The following VRK2 variants were observed in gnomAD, a reference collection of about 807,000 sequenced individuals.
VRK2 encodes the protein serine/threonine-protein kinase VRK2.
Under a neutral mutation model 57.6 loss-of-function variants are expected in VRK2, and 60 were observed. The ratio of observed to expected loss-of-function variants is 1.04; its 90% CI spans 0.85 to 1.29. The LOEUF (loss-of-function observed/expected upper bound fraction) is 1.29. Ranked by LOEUF, VRK2 falls within the 50% of genes most tolerant of loss-of-function variation. The probability of loss-of-function intolerance (pLI) is 0.00; values close to 1 mark genes in which losing one functional copy is unlikely to be tolerated. For missense variants in VRK2, 705 were observed against 588.1 expected (o/e 1.20, Z -2.06); for synonymous variants, 231 against 199.2 (o/e 1.16, Z -1.35).
At chr2:58,118,832 T>C (rs1676950896) in intron 7 of VRK2, among the ~76,000 whole-genome samples, 2 of 152,058 alleles carry the variant, frequency 1.3e-5, no homozygotes, top group African/African-American at 2.4e-5. Flanking sequence ...GGCCGTTTTA[T>C]AGGATTTGGG....
At chr2:58,059,354 A>T (rs1676998376) in intron 2 of VRK2, among the ~76,000 whole-genome samples, 1 of 151,964 alleles carries the variant, frequency 6.6e-6, no homozygotes, top group South Asian at 2.1e-4. Flanking sequence ...TGAGTCAAAT[A>T]AGCAACAGGA....
intron 2 of VRK2, among the ~76,000 whole-genome samples, chr2:58,061,231 A>G (rs1252213008): frequency 6.6e-6 from 1 of 151,874 alleles, no homozygotes; most frequent in Non-Finnish European, 1.5e-5. Flanking sequence ...GGGAAGCTCA[A>G]AATGTATTTA....
At chr2:57,987,175 A>G (rs1215685722) in intron 1 of VRK2, among the ~76,000 whole-genome samples, 1 of 152,172 alleles carries the variant, frequency 6.6e-6, no homozygotes, top group Non-Finnish European at 1.5e-5. Context: ...GAACTTTATC[A>G]AAATCAAAAA....
chr2:57,975,998 T>C (rs1178384849), intron 1 of VRK2, among the ~76,000 whole-genome samples: 3 of 152,186 alleles, frequency 2.0e-5, no homozygotes, highest in South Asian at 2.1e-4. Context: ...CTCCCACTTA[T>C]AAGTGAGAGC....
intron 1 of VRK2, among the ~76,000 whole-genome samples, chr2:57,918,809 G>A (rs1347342229): frequency 6.6e-6 from 1 of 152,072 alleles, no homozygotes; most frequent in African/African-American, 2.4e-5. Context: ...TCTGAAATCT[G>A]TGTGCTCAAT....
chr2:57,926,349 T>C (rs1331991083), intron 1 of VRK2, among the ~76,000 whole-genome samples: 1 of 151,728 alleles, frequency 6.6e-6, no homozygotes, highest in Non-Finnish European at 1.5e-5. Flanking sequence ...ACTACTGTAT[T>C]GGGGTCTCTC....
At chr2:58,128,467 G>A (rs1041324705) in intron 8 of VRK2, among the ~76,000 whole-genome samples, 7 of 152,064 alleles carry the variant, frequency 4.6e-5, no homozygotes, top group African/African-American at 1.7e-4. Context: ...GAGTAGCTGG[G>A]ATTACAGGTG....
upstream of VRK2, among the ~76,000 whole-genome samples, chr2:58,043,422 T>G (rs1450624008): frequency 1.3e-5 from 2 of 152,166 alleles, no homozygotes; most frequent in Non-Finnish European, 2.9e-5. Flanking sequence ...AGTAAAGAAA[T>G]TTAACATTTG....
At chr2:58,075,872 C>T (rs957212881) in intron 2 of VRK2, among the ~76,000 whole-genome samples, 3 of 129,462 alleles carry the variant, frequency 2.3e-5, no homozygotes, top group African/African-American at 8.2e-5. Flanking sequence ...TAAAACTCTG[C>T]CCCAATAAGA....
At chr2:57,989,001 A>G (rs1229832851) in intron 1 of VRK2, among the ~76,000 whole-genome samples, 1 of 152,074 alleles carries the variant, frequency 6.6e-6, no homozygotes, top group Non-Finnish European at 1.5e-5. Flanking sequence ...ATTTCTTCCT[A>G]TTGCTCCCAG....
chr2:58,022,178 G>C (rs1429458643), intron 1 of VRK2, among the ~76,000 whole-genome samples: 1 of 152,216 alleles, frequency 6.6e-6, no homozygotes, highest in Admixed American at 6.5e-5. Context: ...TCACAAAATA[G>C]TGTCAGTGCC....
intron 7 of VRK2, among the ~76,000 whole-genome samples, chr2:58,118,794 G>A (rs943888408): frequency 6.6e-6 from 1 of 152,134 alleles, no homozygotes; most frequent in Non-Finnish European, 1.5e-5. Flanking sequence ...AGTCCGAAAA[G>A]AGAGTCAGCG....
intron 1 of VRK2, among the ~76,000 whole-genome samples, chr2:57,917,361 TA>T (rs1339450523): frequency 1.3e-5 from 2 of 151,876 alleles, no homozygotes; most frequent in Admixed American, 6.6e-5. Flanking sequence ...GGTCAGGCTA[TA>T]AATTCAGATG....
At chr2:58,151,769 G>A (rs185324224) in intron 12 of VRK2, among the ~76,000 whole-genome samples, 100 of 16,948 alleles carry the variant, frequency 5.9e-3, no homozygotes, top group African/African-American at 0.019. Flanking sequence ...TTTTTTTTTG[G>A]TGGTCACTCT....
At chr2:57,965,638 A>G (rs1456451174) in intron 1 of VRK2, among the ~76,000 whole-genome samples, 1 of 152,188 alleles carries the variant, frequency 6.6e-6, no homozygotes, top group Non-Finnish European at 1.5e-5. Context: ...TAGAAAGGGT[A>G]TCTCTCATTA....
chr2:57,979,169 G>A (rs1228957790), intron 1 of VRK2, among the ~76,000 whole-genome samples: 1 of 150,984 alleles, frequency 6.6e-6, no homozygotes, highest in East Asian at 1.9e-4. Flanking sequence ...ATATTCCTTT[G>A]GGTATATACC....
chr2:57,914,080 G>C (rs936342786), intron 1 of VRK2, among the ~76,000 whole-genome samples: 1 of 151,942 alleles, frequency 6.6e-6, no homozygotes, highest in Non-Finnish European at 1.5e-5. Flanking sequence ...GAATATTAAT[G>C]TTTTGAAACT....
intron 2 of VRK2, among the ~76,000 whole-genome samples, chr2:58,071,741 C>T (rs1274112344): frequency 2.0e-5 from 3 of 151,870 alleles, no homozygotes; most frequent in African/African-American, 7.2e-5. Context: ...TGACTTTGTT[C>T]TTCAGTATTG....
Position 58,159,431 on chromosome 2 carries a change from A to C in VRK2, c.1265A>C (p.Tyr422Ser). 1 of 1,613,696 alleles carries C rather than the reference A, an allele frequency of 6.2e-7. No homozygotes were observed. Among genetic ancestry groups the C allele is most frequent in the Non-Finnish European group, 8.5e-7 (1 of 1,179,722 alleles). Residue 422 changes from tyrosine to serine, a missense_variant, in exon 13 of 13, where the codon TAT (tyrosine) becomes TCT (serine). Transcript: ENST00000340157. ...AACAGTTTCCCACAAAAAATCAGCT[A>C]TACACAATTCCCAAACTCATTTTAT... ...EVNSFPQKIS[Y>S]TQFPNSFYEP...
Sources: allele counts gnomAD v4.1 joint callset (sites outside exome capture counted in the v4.1 genomes callset), GRCh38; gene constraint gnomAD v4.1.1; transcripts MANE v1.5; gene names NCBI Gene and HGNC (gene_info 2026-07-23, HGNC 2026-07-21).